The following SIPA1L1 variants were observed in gnomAD, a reference collection of about 807,000 sequenced individuals.
SIPA1L1 encodes the protein signal induced proliferation associated 1 like 1, also known as signal-induced proliferation-associated 1-like protein 1.
SIPA1L1 carries 26 observed loss-of-function variants against 162.7 expected under a neutral mutation model. The ratio of observed to expected loss-of-function variants is 0.16; its 90% CI spans 0.12 to 0.22. The LOEUF (loss-of-function observed/expected upper bound fraction) is 0.22, where lower values mean the gene tolerates loss of function less well. Among genes scored for constraint, SIPA1L1 ranks in the 10% least tolerant of loss-of-function variants. SIPA1L1 has a pLI of 1.00. For missense variants in SIPA1L1, 1,874 were observed against 2,241.0 expected (o/e 0.84, Z 3.31); for synonymous variants, 829 against 837.4 (o/e 0.99, Z 0.17).
At chr14:71,726,938 G>C (rs2084295731) in intron 19 of SIPA1L1, among the ~76,000 whole-genome samples, 1 of 152,092 alleles carries the variant, frequency 6.6e-6, no homozygotes, top group South Asian at 2.1e-4. Flanking sequence ...GATACTAGGT[G>C]TCATGGCCAG....
At chr14:71,388,450 A>G (rs2040505156) in intron 2 of SIPA1L1, among the ~76,000 whole-genome samples, 1 of 152,246 alleles carries the variant, frequency 6.6e-6, no homozygotes, top group Non-Finnish European at 1.5e-5. Context: ...GCTTCTACAC[A>G]TACTTTAGCT....
intron 6 of SIPA1L1, among the ~76,000 whole-genome samples, chr14:71,623,196 C>T (rs915161581): frequency 6.6e-6 from 1 of 152,120 alleles, no homozygotes; most frequent in Non-Finnish European, 1.5e-5. Flanking sequence ...TGACCTCTCA[C>T]CCTCATATTT....
chr14:71,730,248 A>G lies in SIPA1L1; in HGVS notation c.4808A>G (p.Lys1603Arg), dbSNP rs759526277. ...LFSSTYPSLP[K>R]SLPLRRPSYT... ...AGTAGCACGTACCCTTCTCTCCCCA[A>G]GTCGCTCCCGTTGAGGAGGCCTTCT... The change falls in exon 20 of 24, where the codon AAG becomes AGG. Residue 1603 changes from lysine to arginine, a missense_variant. By Grantham distance (26) the Lys-to-Arg change is conservative (BLOSUM62 2). Around this residue, in one of 5 missense-constraint regions of SIPA1L1, gnomAD observed 936 missense variants for 1,051.9 expected, o/e 0.89. Transcript: ENST00000381232. The G allele has an allele frequency of 3.0e-5, 49 of 1,614,140 alleles. No homozygotes were observed. Among genetic ancestry groups the G allele is most frequent in the Non-Finnish European group, 4.0e-5 (47 of 1,180,028 alleles).
At chr14:71,420,927 G>A (rs1291857809) in intron 2 of SIPA1L1, among the ~76,000 whole-genome samples, 5 of 152,150 alleles carry the variant, frequency 3.3e-5, no homozygotes, top group South Asian at 4.1e-4. Flanking sequence ...TCAGTTTACC[G>A]TTGGTTTGTG....
At chr14:71,381,137 C>T (rs1250976690) in intron 2 of SIPA1L1, among the ~76,000 whole-genome samples, 1 of 152,200 alleles carries the variant, frequency 6.6e-6, no homozygotes, top group Non-Finnish European at 1.5e-5. Context: ...ACTGCAACCT[C>T]CGCCTCCCGG....
At chr14:71,368,154 TTC>T (rs1433802634) in intron 2 of SIPA1L1, among the ~76,000 whole-genome samples, 1 of 148,580 alleles carries the variant, frequency 6.7e-6, no homozygotes, top group African/African-American at 2.5e-5. Context: ...TTTTTTTTTT[TTC>T]TTTCTTTTTT....
Position 71,585,307 on chromosome 14 carries a change from A to G in SIPA1L1, c.-302-2264A>G, listed in dbSNP as rs530830424. The stretch of plus-strand genomic sequence containing the variant: ...TTAAAACGTGGCTTCTCTCTCTCCC[A>G]TGTGCTTATTTATATTTTGAAATGA... On this transcript the variant is annotated intron_variant, in intron 4 of 23. Transcript: ENST00000381232. 2.8e-4 allele frequency among the ~76,000 whole-genome samples: 43 copies of G among 152,246 alleles called. 1 individual carries two copies. Among genetic ancestry groups the G allele is most frequent in the African/African-American group, 1.0e-3 (42 of 41,562 alleles).
At chr14:71,606,101 G>A (rs2037462825) in intron 5 of SIPA1L1, among the ~76,000 whole-genome samples, 1 of 152,156 alleles carries the variant, frequency 6.6e-6, no homozygotes, top group Admixed American at 6.5e-5. Flanking sequence ...CCAGACCCCT[G>A]GAAGATTGCT....
intron 4 of SIPA1L1, among the ~76,000 whole-genome samples, chr14:71,530,379 C>A (rs559350830): frequency 3.4e-4 from 51 of 151,684 alleles, no homozygotes; most frequent in African/African-American, 1.2e-3. Flanking sequence ...CCTGATCGAC[C>A]AACTTGTGCT....
intron 2 of SIPA1L1, among the ~76,000 whole-genome samples, chr14:71,326,211 C>CTTT (rs964178060): frequency 7.0e-6 from 1 of 142,384 alleles, no homozygotes. Context: ...CGACTTGCTT[C>CTTT]TTTTTTTTTT....
At chr14:71,449,687 A>G (rs1383745654) in intron 2 of SIPA1L1, among the ~76,000 whole-genome samples, 1 of 152,232 alleles carries the variant, frequency 6.6e-6, no homozygotes, top group Non-Finnish European at 1.5e-5. Context: ...CGTAACATAA[A>G]ATCACAACTG....
At chr14:71,446,198 T>G (rs1206111983) in intron 2 of SIPA1L1, among the ~76,000 whole-genome samples, 1 of 152,114 alleles carries the variant, frequency 6.6e-6, no homozygotes, top group Non-Finnish European at 1.5e-5. Flanking sequence ...ACTAAGTAAG[T>G]AAAAGAAGCT....
intron 10 of SIPA1L1, 89 bp downstream of exon 10, chr14:71,661,556 A>G (rs910154767): frequency 2.2e-6 from 3 of 1,360,176 alleles, no homozygotes; most frequent in Non-Finnish European, 3.0e-6. Flanking sequence ...TAAAGTGGCA[A>G]TGGGAAGTCT....
At chr14:71,596,821 T>C (rs1199822365) in intron 5 of SIPA1L1, among the ~76,000 whole-genome samples, 3 of 152,222 alleles carry the variant, frequency 2.0e-5, no homozygotes, top group African/African-American at 7.2e-5. Flanking sequence ...TTCCCTTTTT[T>C]TCTCTTTTGT....
At chr14:71,503,893 T>G (rs2050443843) in intron 2 of SIPA1L1, 1 of 152,200 alleles carries the variant, frequency 6.6e-6, no homozygotes. Flanking sequence ...AACCTCTGCC[T>G]CCTGGGTTCA....
chr14:71,573,945 T>C (rs2147085118), intron 4 of SIPA1L1: 2 of 317,216 alleles, frequency 6.3e-6, no homozygotes, highest in Non-Finnish European at 1.2e-5. Context: ...ATTCTTTCTT[T>C]AAAACTTGTT....
chr14:71,697,844 G>A (rs2149765780), intron 13 of SIPA1L1, among the ~76,000 whole-genome samples: 1 of 152,206 alleles, frequency 6.6e-6, no homozygotes, highest in African/African-American at 2.4e-5. Flanking sequence ...TCTGTCTCAA[G>A]ACGTCAAAAC....
At chr14:71,344,574 G>A (rs996764491) in intron 2 of SIPA1L1, among the ~76,000 whole-genome samples, 1 of 151,462 alleles carries the variant, frequency 6.6e-6, no homozygotes, top group African/African-American at 2.4e-5. Flanking sequence ...TCTGTCTATC[G>A]AGAGAGATGG....
intron 7 of SIPA1L1, among the ~76,000 whole-genome samples, chr14:71,629,584 G>A (rs2040372232): frequency 6.6e-6 from 1 of 152,180 alleles, no homozygotes; most frequent in African/African-American, 2.4e-5. Flanking sequence ...AATGGGTCTG[G>A]TTTATAAATA....
Sources: allele counts gnomAD v4.1 joint callset (sites outside exome capture counted in the v4.1 genomes callset), GRCh38; gene constraint gnomAD v4.1.1; regional missense constraint gnomAD v4.1.1; transcripts MANE v1.5; gene names NCBI Gene and HGNC (gene_info 2026-07-23, HGNC 2026-07-21).